The following ACKR3 variants were observed in gnomAD, a reference collection of about 807,000 sequenced individuals.
ACKR3 encodes the protein C-X-C chemokine receptor type 7.
Under a neutral mutation model 22.4 loss-of-function variants are expected in ACKR3, and 6 were observed. That is an observed-to-expected ratio of 0.27 (90% CI 0.15 to 0.53). The LOEUF is 0.53. Ranked by LOEUF, ACKR3 falls within the 20% of genes least tolerant of loss-of-function variation. The pLI is 0.96. For missense variants in ACKR3, 396 were observed against 475.2 expected, an observed-to-expected ratio of 0.83 and a Z score of 1.55; for synonymous variants, 209 against 205.2, an observed-to-expected ratio of 1.02 and a Z score of -0.16.
the ACKR3 span, among the ~76,000 whole-genome samples, chr2:236,538,103 G>C: frequency 1.7e-4 from 26 of 151,360 alleles, no homozygotes; most frequent in Non-Finnish European, 5.9e-5. Flanking sequence ...TTTTTCTAGC[G>C]TGAAAAGCAA....
chr2:236,555,815 T>C, the ACKR3 span, among the ~76,000 whole-genome samples: 1 of 130,584 alleles, frequency 7.7e-6, no homozygotes, highest in African/African-American at 4.1e-5. Flanking sequence ...CTTTTTACCT[T>C]AAAGGAAAAA....
chr2:236,556,457 A>G, the ACKR3 span, among the ~76,000 whole-genome samples: 2 of 152,118 alleles, frequency 1.3e-5, no homozygotes, highest in Non-Finnish European at 2.9e-5. Flanking sequence ...TGTAGTCACA[A>G]TGGTCCTTAT....
At chr2:236,562,188 G>A in the ACKR3 span, among the ~76,000 whole-genome samples, 4 of 152,270 alleles carry the variant, frequency 2.6e-5, no homozygotes, top group East Asian at 3.9e-4. Flanking sequence ...TTTAGTGCAC[G>A]TGAAGTTGTT....
rs1320842921 is a variant in ACKR3 at position 236,581,523 on chromosome 2, A to G, written c.1058A>G (p.Glu353Gly). The change falls in exon 2 of 2, where the codon GAG (glutamate) becomes GGG (glycine). Residue 353 changes from glutamate (E) to glycine (G), a missense_variant. Transcript: ENST00000272928. This position sits in a 1 kb window ranked among gnomAD's most constrained non-coding sequence, Gnocchi z 4.4. ...GATGCCTCCAGAGTCTCAGAGACGG[A>G]GTACTCTGCCTTGGAGCAGAGCACC... ...LIDASRVSET[E>G]YSALEQSTK 1.2e-6 allele frequency: 2 copies of G among 1,614,192 alleles called. No homozygotes were observed. The highest frequency in any genetic ancestry group is 3.3e-5 in the Admixed American group (2 of 60,034).
intron 1 of ACKR3, among the ~76,000 whole-genome samples, chr2:236,570,278 AC>A (rs1691279796): frequency 6.6e-6 from 1 of 152,174 alleles, no homozygotes; most frequent in African/African-American, 2.4e-5. Flanking sequence ...ATTCTGCCTG[AC>A]CAATTTGGCA....
the ACKR3 span, among the ~76,000 whole-genome samples, chr2:236,552,495 C>T: frequency 2.0e-5 from 3 of 152,134 alleles, no homozygotes; most frequent in African/African-American, 4.8e-5. Flanking sequence ...TTCATTCTTG[C>T]GTAGTGGTGA....
At chr2:236,545,701 C>T in the ACKR3 span, among the ~76,000 whole-genome samples, 9 of 152,298 alleles carry the variant, frequency 5.9e-5, no homozygotes, top group South Asian at 2.1e-4. The surrounding 1 kb of genome is among the most constrained non-coding windows in gnomAD (Gnocchi z 5.3). Flanking sequence ...GTATATGACA[C>T]GGAATCTCTT....
chr2:236,553,484 C>T, the ACKR3 span, among the ~76,000 whole-genome samples: 1 of 152,252 alleles, frequency 6.6e-6, no homozygotes, highest in South Asian at 2.1e-4. Flanking sequence ...AAACACATCA[C>T]CAAGGTTCCC....
chr2:236,581,429 T>C lies in ACKR3; in HGVS notation c.964T>C (p.Tyr322His), dbSNP rs1340820276. Residue 322 changes from tyrosine (Y) to histidine (H), a missense_variant, in exon 2 of 2, where the codon TAC becomes CAC. Coordinates refer to ENST00000272928, the MANE Select transcript of ACKR3 (RefSeq NM_020311.3). This position sits in a 1 kb window ranked among gnomAD's most constrained non-coding sequence, Gnocchi z 4.4. Reference sequence around the variant, plus strand: ...CCTCTACAGCTTCATCAATCGCAACTACAGGTACGAGCTGATGAAGGCCTT... The same window carrying C: ...CCTCTACAGCTTCATCAATCGCAACCACAGGTACGAGCTGATGAAGGCCTT... ...PVLYSFINRN[Y>H]RYELMKAFIF... The C allele has an allele frequency of 6.2e-7, 1 of 1,614,154 alleles. No individual in the cohort carries two copies. Among genetic ancestry groups the C allele is most frequent in the East Asian group, 2.2e-5 (1 of 44,880 alleles).
In ACKR3 at chr2:236,580,558, G is replaced by A. The variant is rs147894231; in HGVS notation, c.93G>A (p.Thr31=). 1,109 of 1,614,194 alleles carry A rather than the reference G, an allele frequency of 6.9e-4. 1 individual carries two copies. Among genetic ancestry groups the A allele is most frequent in the Non-Finnish European group, 8.6e-4 (1,010 of 1,180,022 alleles). Residue 31 remains threonine, a synonymous_variant, in exon 2 of 2, where the codon ACG becomes ACA. Transcript: ENST00000272928. The stretch of plus-strand genomic sequence containing the variant: ...GCAGCGACTGCATCGTGGTGGACAC[G>A]GTGATGTGTCCCAACATGCCCAACA... ...CNSSDCIVVD[T]VMCPNMPNKS...
chr2:236,548,631 C>T, the ACKR3 span, among the ~76,000 whole-genome samples: 1 of 152,202 alleles, frequency 6.6e-6, no homozygotes, highest in Non-Finnish European at 1.5e-5. This position sits in a 1 kb window ranked among gnomAD's most constrained non-coding sequence, Gnocchi z 4.3. Context: ...AAGAGGACAG[C>T]TGAGCAAGGA....
chr2:236,551,785 T>C, the ACKR3 span, among the ~76,000 whole-genome samples: 1 of 152,194 alleles, frequency 6.6e-6, no homozygotes, highest in Non-Finnish European at 1.5e-5. Context: ...CTCCAAGACC[T>C]TGATGGGCTT....
upstream of ACKR3, among the ~76,000 whole-genome samples, chr2:236,567,405 C>T (rs1321504006): frequency 6.6e-6 from 1 of 152,214 alleles, no homozygotes; most frequent in Non-Finnish European, 1.5e-5. Context: ...CCAGCCGGGA[C>T]CCCTAGAGGA....
At chr2:236,568,418 G>C (rs1361800286), upstream of ACKR3, among the ~76,000 whole-genome samples, 1 of 152,224 alleles carries the variant, frequency 6.6e-6, no homozygotes, top group Non-Finnish European at 1.5e-5. Flanking sequence ...GATCTTGGGT[G>C]TGGGTAGACG....
the ACKR3 span, among the ~76,000 whole-genome samples, chr2:236,539,945 G>A: frequency 6.6e-6 from 1 of 152,180 alleles, no homozygotes; most frequent in Non-Finnish European, 1.5e-5. Flanking sequence ...TCACTACCAT[G>A]AGAACAGAAT....
At chr2:236,557,543 C>T in the ACKR3 span, among the ~76,000 whole-genome samples, 2 of 152,028 alleles carry the variant, frequency 1.3e-5, no homozygotes, top group Admixed American at 1.3e-4. Flanking sequence ...CCCCACTGGC[C>T]AAATCAGGAA....
In ACKR3 at chr2:236,580,451, G is replaced by T. The variant is rs142236358; in HGVS notation, c.-15G>T. The T allele has an allele frequency of 2.2e-4, 345 of 1,594,708 alleles. No individual in the cohort carries two copies. In the African/African-American group the frequency reaches 3.6e-3, roughly 17 times the overall value. On this transcript the variant is annotated 5_prime_UTR_variant, in exon 2 of 2. Transcript: ENST00000272928. ...TGGTTTTCTCATAGGTCATTTGATT[G>T]CCCGCCTCAGAACGATGGATCTGCA...
the ACKR3 span, among the ~76,000 whole-genome samples, chr2:236,546,083 TG>T: frequency 6.6e-6 from 1 of 152,216 alleles, no homozygotes; most frequent in Non-Finnish European, 1.5e-5. This position sits in a 1 kb window ranked among gnomAD's most constrained non-coding sequence, Gnocchi z 4.9. Flanking sequence ...TTTTGTGAGT[TG>T]TGAAGCACCA....
chr2:236,538,299 G>A, the ACKR3 span, among the ~76,000 whole-genome samples: 1 of 152,194 alleles, frequency 6.6e-6, no homozygotes, highest in African/African-American at 2.4e-5. Context: ...AAGAAAAGCA[G>A]AACAGACACA....
Sources: gnomAD v4.1 joint callset for allele counts (sites outside exome capture counted in the v4.1 genomes callset) on GRCh38, gnomAD v4.1.1 for gene constraint, Gnocchi (gnomAD v3.1) non-coding constraint, MANE v1.5 for transcripts, NCBI Gene and HGNC (gene_info 2026-07-23, HGNC 2026-07-21) for gene names.